CKAP5: variants seen among roughly 807,000 people sequenced by gnomAD.
CKAP5 encodes the protein cytoskeleton associated protein 5, also known as cytoskeleton-associated protein 5.
A neutral mutation model predicts 232.8 loss-of-function variants in CKAP5; 27 were observed. The observed-to-expected ratio is 0.12, with a 90% confidence interval of 0.09 to 0.16. CKAP5 has a LOEUF of 0.16. Among genes scored for constraint, CKAP5 ranks in the 10% least tolerant of loss-of-function variants. CKAP5 has a pLI of 1.00. For synonymous variants in CKAP5, 785 were observed against 841.1 expected, an observed-to-expected ratio of 0.93 and a Z score of 1.16; for missense variants, 1,838 against 2,424.7, an observed-to-expected ratio of 0.76 and a Z score of 5.08.
chr11:46,828,149 C>G (rs1939697029), intron 1 of CKAP5, among the ~76,000 whole-genome samples: 1 of 150,860 alleles, frequency 6.6e-6, no homozygotes, highest in African/African-American at 2.4e-5. Flanking sequence ...ATCCAAAGAA[C>G]AGTTATGAAG....
chr11:46,796,654 T>A (rs1478050234), intron 12 of CKAP5, among the ~76,000 whole-genome samples, 158 bp downstream of exon 12: 63 of 152,308 alleles, frequency 4.1e-4, no homozygotes, highest in African/African-American at 1.4e-3. Flanking sequence ...AAAACTTGTT[T>A]CAATTATGCA....
At chr11:46,833,466 ATTG>A (rs1234420192) in intron 1 of CKAP5, among the ~76,000 whole-genome samples, 1 of 151,122 alleles carries the variant, frequency 6.6e-6, no homozygotes, top group East Asian at 1.9e-4. Flanking sequence ...TTACTATATT[ATTG>A]TTATTATTAT....
At chr11:46,788,161 T>G (rs1236849119) in intron 16 of CKAP5, among the ~76,000 whole-genome samples, 1 of 152,072 alleles carries the variant, frequency 6.6e-6, no homozygotes. Flanking sequence ...TCTTGGGGAG[T>G]CCAGAGTTAT....
chr11:46,778,696 G>A (rs2134620149), intron 20 of CKAP5, 97 bp from the exon 21 acceptor site: 1 of 954,454 alleles, frequency 1.0e-6, no homozygotes, highest in South Asian at 1.5e-5. Context: ...TCATTCCTTT[G>A]TAATACCTAT....
chr11:46,776,943 G>A (rs2065296339), intron 23 of CKAP5, among the ~76,000 whole-genome samples: 1 of 152,056 alleles, frequency 6.6e-6, no homozygotes, highest in Non-Finnish European at 1.5e-5. Flanking sequence ...ATATTTCAGT[G>A]ACTTCTAGAA....
rs1232327896 is a variant in CKAP5, at chr11:46,743,791, C to T, written c.*232G>A. The stretch of plus-strand genomic sequence containing the variant: ...TGAGCAGAGAGGGGGCAGCTGTTTA[C>T]AAGTCTGTACACTAAACTCATCCAC... On this transcript the variant is annotated 3_prime_UTR_variant, in exon 44 of 44. Transcript: ENST00000529230. The T allele has an allele frequency of 7.3e-6, 4 of 549,012 alleles. No homozygotes were observed. The highest frequency in any genetic ancestry group is 6.1e-5 in the East Asian group (2 of 32,676). 34.0% of individuals were successfully genotyped at this position (549,012 alleles called of 1,614,324 possible). A position where few individuals can be genotyped will look rare whatever the true frequency, so the allele number is the denominator to read the frequency against.
At chr11:46,787,413 T>C (rs773489356) in intron 16 of CKAP5, among the ~76,000 whole-genome samples, 3 of 152,202 alleles carry the variant, frequency 2.0e-5, no homozygotes, top group Non-Finnish European at 4.4e-5. Context: ...CTATTGTATG[T>C]ACATCTAGAA....
chr11:46,770,853 C>T lies in CKAP5; in HGVS notation c.3121G>A (p.Ala1041Thr), dbSNP rs2065241335. 3 of 1,614,064 alleles carry T rather than the reference C, an allele frequency of 1.9e-6. No homozygotes were observed. The highest frequency in any genetic ancestry group is 1.3e-5 in the African/African-American group (1 of 74,922). The change falls in exon 25 of 44, where the codon GCC becomes ACC. Residue 1041 changes from alanine to threonine, a missense_variant. Coordinates refer to ENST00000529230, the MANE Select transcript of CKAP5 (RefSeq NM_001008938.4). The stretch of plus-strand genomic sequence containing the variant: ...AAATGCATCATGAAGAATGGCAAGG[C>T]ATCTTGGGCCTTCTTTCGCACATCT... ...NGDVRKKAQD[A>T]LPFFMMHLGY...
intron 25 of CKAP5, 168 bp from the exon 26 acceptor site, chr11:46,770,266 A>G: frequency 3.0e-6 from 2 of 666,596 alleles, no homozygotes; most frequent in South Asian, 3.7e-5. Flanking sequence ...CACATTATGA[A>G]GTCACACTAA....
At chr11:46,795,940 G>A (rs1592463470) in intron 12 of CKAP5, among the ~76,000 whole-genome samples, 164 bp from the exon 13 acceptor site, 1 of 152,090 alleles carries the variant, frequency 6.6e-6, no homozygotes. Context: ...GAGATGGGTG[G>A]ATCACTTGAG....
chr11:46,749,922 C>T (rs951504832), intron 42 of CKAP5, among the ~76,000 whole-genome samples: 3 of 141,418 alleles, frequency 2.1e-5, no homozygotes, highest in Non-Finnish European at 3.0e-5. Flanking sequence ...AGTGAAACTC[C>T]ATCTCAAAAA....
At chr11:46,765,327 G>C in intron 27 of CKAP5, 71 bp from the exon 28 acceptor site, 1 of 1,325,888 alleles carries the variant, frequency 7.5e-7, no homozygotes, top group Non-Finnish European at 1.0e-6. Flanking sequence ...CTGCTGCCCA[G>C]TAAAAGGGCA....
intron 15 of CKAP5, 87 bp downstream of exon 15, chr11:46,789,989 C>A: frequency 1.2e-6 from 1 of 827,058 alleles, no homozygotes; most frequent in South Asian, 1.7e-5. Context: ...TAAAACACAG[C>A]AATTAGGACA....
intron 26 of CKAP5, among the ~76,000 whole-genome samples, 156 bp downstream of exon 26, chr11:46,769,807 T>C (rs530695054): frequency 1.3e-5 from 2 of 152,320 alleles, no homozygotes; most frequent in African/African-American, 4.8e-5. Context: ...CTTGACTACT[T>C]GACAAGTGTT....
chr11:46,781,424 A>ACTC (rs1385039324), intron 18 of CKAP5, among the ~76,000 whole-genome samples: 418 of 1,802 alleles, frequency 0.23, 2 homozygotes, highest in African/African-American at 0.33. Flanking sequence ...TGAACCTGTT[A>ACTC]CTCTTCTCAA....
At chr11:46,817,426 T>C (rs1939428054) in intron 3 of CKAP5, among the ~76,000 whole-genome samples, 1 of 152,156 alleles carries the variant, frequency 6.6e-6, no homozygotes, top group Middle Eastern at 3.2e-3. Flanking sequence ...GAATCTCCTC[T>C]AAATGAAATG....
intron 42 of CKAP5, among the ~76,000 whole-genome samples, chr11:46,749,012 A>G (rs997565876): frequency 2.0e-5 from 3 of 151,134 alleles, no homozygotes. Context: ...TTGTATTTTT[A>G]GTAGAGACGG....
In CKAP5 at chr11:46,744,018, C is replaced by G. The variant is rs1260259318; in HGVS notation, c.*5G>C. ...GCTGCAGGGTGCCGGGGGAGTGGGG[C>G]AGCTTCATTTGCGACTGCTCTTTAT... On this transcript the variant is annotated 3_prime_UTR_variant, in exon 44 of 44. Transcript: ENST00000529230. 9 of 1,612,182 alleles carry G rather than the reference C, an allele frequency of 5.6e-6. No individual in the cohort carries two copies. In the Admixed American group the frequency reaches 1.5e-4, roughly 27 times the overall value.
At chr11:46,785,224 G>C (rs1021678786) in intron 16 of CKAP5, among the ~76,000 whole-genome samples, 3 of 152,140 alleles carry the variant, frequency 2.0e-5, no homozygotes, top group Non-Finnish European at 2.9e-5. Context: ...GGACCCCTTT[G>C]CTCATAAATA....
Sources: gnomAD v4.1 joint callset for allele counts (sites outside exome capture counted in the v4.1 genomes callset) on GRCh38, gnomAD v4.1.1 for gene constraint, MANE v1.5 for transcripts, NCBI Gene and HGNC (gene_info 2026-07-23, HGNC 2026-07-21) for gene names.